The following JMJD1C variants were observed in gnomAD, a reference collection of about 807,000 sequenced individuals.
The protein encoded by JMJD1C is jumonji domain-containing protein 1C.
A neutral mutation model predicts 245.3 loss-of-function variants in JMJD1C; 31 were observed. That is an observed-to-expected ratio of 0.13 (90% CI 0.09 to 0.17). The LOEUF is 0.17. Ranked by LOEUF, JMJD1C falls within the 10% of genes least tolerant of loss-of-function variation. The pLI is 1.00. For missense variants in JMJD1C, 2,691 were observed against 3,000.2 expected, an observed-to-expected ratio of 0.90 and a Z score of 2.41; for synonymous variants, 1,057 against 1,017.4, an observed-to-expected ratio of 1.04 and a Z score of -0.74.
chr10:63,473,845 C>T (rs766213286), intron 1 of JMJD1C, among the ~76,000 whole-genome samples: 2 of 151,750 alleles, frequency 1.3e-5, no homozygotes, highest in South Asian at 4.2e-4. Context: ...GAGTTTGAGA[C>T]CAGCCTGGCC....
At chr10:63,417,132 T>G (rs1949854570) in intron 1 of JMJD1C, among the ~76,000 whole-genome samples, 1 of 152,086 alleles carries the variant, frequency 6.6e-6, no homozygotes, top group African/African-American at 2.4e-5. Flanking sequence ...TTGAAAAAAT[T>G]TTTTACCCAA....
At chr10:63,402,194 C>A (rs1948906947) in intron 1 of JMJD1C, among the ~76,000 whole-genome samples, 1 of 148,716 alleles carries the variant, frequency 6.7e-6, no homozygotes, top group Non-Finnish European at 1.5e-5. Context: ...AGCAAACATA[C>A]AAAGGGCTAA....
intron 1 of JMJD1C, among the ~76,000 whole-genome samples, chr10:63,428,142 G>A (rs184241502): frequency 4.7e-5 from 7 of 149,842 alleles, no homozygotes; most frequent in Admixed American, 2.7e-4. Flanking sequence ...CATATGAGAG[G>A]AGGGGACTAA....
chr10:63,230,776 C>A (rs374931137), intron 3 of JMJD1C, among the ~76,000 whole-genome samples: 4 of 150,868 alleles, frequency 2.7e-5, no homozygotes, highest in Non-Finnish European at 4.4e-5. Context: ...CTGTCCCCCC[C>A]CCCAAAAAAA....
chr10:63,448,377 G>A (rs370171317), intron 1 of JMJD1C, among the ~76,000 whole-genome samples: 5 of 151,994 alleles, frequency 3.3e-5, no homozygotes, highest in Non-Finnish European at 7.4e-5. Context: ...GGCTGCTCTC[G>A]AACTCCTGAC....
chr10:63,351,714 CAG>C (rs1224099189), intron 2 of JMJD1C, among the ~76,000 whole-genome samples: 1 of 152,118 alleles, frequency 6.6e-6, no homozygotes, highest in Admixed American at 6.5e-5. Flanking sequence ...ATTGGGATAA[CAG>C]AGTACCAGAA....
At chr10:63,252,745 A>G (rs1011803354) in intron 3 of JMJD1C, among the ~76,000 whole-genome samples, 8 of 152,180 alleles carry the variant, frequency 5.3e-5, no homozygotes, top group African/African-American at 1.7e-4. Context: ...GAAACAGGCA[A>G]CCATAAGATA....
intron 13 of JMJD1C, among the ~76,000 whole-genome samples, chr10:63,195,977 T>C (rs1459011933): frequency 6.7e-6 from 1 of 150,320 alleles, no homozygotes; most frequent in African/African-American, 2.4e-5. Flanking sequence ...CTTTCAAAAT[T>C]AATACTACTA....
intron 3 of JMJD1C, among the ~76,000 whole-genome samples, chr10:63,262,633 G>GT (rs369924798): frequency 6.6e-6 from 1 of 152,192 alleles, no homozygotes; most frequent in East Asian, 1.9e-4. Context: ...AAACACAATG[G>GT]TTAAAATGTC....
At chr10:63,374,278 T>C (rs1946544160) in intron 2 of JMJD1C, among the ~76,000 whole-genome samples, 1 of 152,128 alleles carries the variant, frequency 6.6e-6, no homozygotes, top group Non-Finnish European at 1.5e-5. Context: ...TTCACCCTAT[T>C]AAAGGAATGC....
rs2133162604 is a variant in JMJD1C, at chr10:63,208,513, C to T, written c.3156G>A (p.Val1052=). 6.2e-7 allele frequency: 1 copy of T among 1,614,034 alleles called. No homozygotes were observed. The highest frequency in any genetic ancestry group is 8.5e-7 in the Non-Finnish European group (1 of 1,179,982). The change falls in exon 10 of 26, where the codon GTG becomes GTA. Residue 1052 remains valine, a synonymous_variant. Coordinates refer to ENST00000399262, the MANE Select transcript of JMJD1C (RefSeq NM_032776.3). Reference sequence around the variant, plus strand: ...TTTTAGGACTGGAAGATGATGATGCCACTCTGGAATAATTCTCTCTCTCAC... The same window carrying T: ...TTTTAGGACTGGAAGATGATGATGCTACTCTGGAATAATTCTCTCTCTCAC... ...LEGERENYSR[V]ASSSSSPKSH... is the part of the protein sequence containing the mutation.
intron 2 of JMJD1C, chr10:63,359,229 G>A (rs1197157754): frequency 6.6e-6 from 1 of 152,186 alleles, no homozygotes; most frequent in Admixed American, 6.5e-5. Context: ...TGGTATAACT[G>A]GCCTGGGCCA....
chr10:63,246,986 T>C (rs888871082), intron 3 of JMJD1C, among the ~76,000 whole-genome samples: 4 of 150,478 alleles, frequency 2.7e-5, no homozygotes, highest in East Asian at 2.0e-4. Context: ...ATTTAAAAAG[T>C]AGACTTCAAA....
Position 63,458,280 on chromosome 10 carries a change from G to GT in JMJD1C, c.168+7214dup, listed in dbSNP as rs569326816. Among the ~76,000 whole-genome samples the GT allele has an allele frequency of 3.2e-3, 489 of 152,142 alleles. 2 individuals are homozygous for GT. Among genetic ancestry groups the GT allele is most frequent in the African/African-American group, 0.011 (474 of 41,476 alleles). ...GCAGGAGGATTGCTTGAGCCCAGAT[G>GT]TTTGAGACCAGCCTGGGCAACACAG... On this transcript the variant is annotated intron_variant, in intron 1 of 25. Transcript: ENST00000399262.
chr10:63,445,203 G>A (rs944606200), intron 1 of JMJD1C, among the ~76,000 whole-genome samples: 3 of 152,144 alleles, frequency 2.0e-5, no homozygotes. Context: ...CTGGGTGACA[G>A]AACAAGAGCC....
At chr10:63,291,349 G>T (rs913638885) in intron 2 of JMJD1C, among the ~76,000 whole-genome samples, 6 of 146,590 alleles carry the variant, frequency 4.1e-5, no homozygotes, top group Non-Finnish European at 7.4e-5. Flanking sequence ...GGGCGAGGTG[G>T]CTCACGCTTG....
chr10:63,276,383 G>A (rs1445671851), intron 2 of JMJD1C, among the ~76,000 whole-genome samples: 2 of 149,864 alleles, frequency 1.3e-5, no homozygotes, highest in East Asian at 2.0e-4. Flanking sequence ...GGAGAATGGC[G>A]TGAACCTGGG....
At chr10:63,409,334 C>T (rs1241618814) in intron 1 of JMJD1C, among the ~76,000 whole-genome samples, 1 of 152,136 alleles carries the variant, frequency 6.6e-6, no homozygotes, top group Non-Finnish European at 1.5e-5. Flanking sequence ...ATTAAGCCAG[C>T]TTTAGGGCCC....
chr10:63,219,745 T>G, intron 4 of JMJD1C, 133 bp downstream of exon 4: 1 of 542,948 alleles, frequency 1.8e-6, no homozygotes, highest in Admixed American at 3.1e-5. Flanking sequence ...TGCTATTATT[T>G]TCCTGGATGT....
Sources: allele counts gnomAD v4.1 joint callset (sites outside exome capture counted in the v4.1 genomes callset), GRCh38; gene constraint gnomAD v4.1.1; transcripts MANE v1.5; gene names NCBI Gene and HGNC (gene_info 2026-07-23, HGNC 2026-07-21).